Variants in COL27A1 observed in about 807,000 individuals in gnomAD.
COL27A1 encodes collagen type XXVII alpha 1 chain, also known as collagen alpha-1(XXVII) chain.
A neutral mutation model predicts 251.3 loss-of-function variants in COL27A1; 106 were observed. The observed-to-expected ratio is 0.42, with a 90% CI of 0.36 to 0.50. The LOEUF is 0.50. Ranked by LOEUF, COL27A1 falls within the 20% of genes least tolerant of loss-of-function variation. The pLI is 0.00. For synonymous variants in COL27A1, 1,000 were observed against 986.3 expected, an observed-to-expected ratio of 1.01 and a Z score of -0.26; for missense variants, 2,325 against 2,522.8, an observed-to-expected ratio of 0.92 and a Z score of 1.68.
At chr9:114,200,838 C>T (rs1829516712) in intron 7 of COL27A1, among the ~76,000 whole-genome samples, 1 of 152,190 alleles carries the variant, frequency 6.6e-6, no homozygotes, top group Non-Finnish European at 1.5e-5. Flanking sequence ...TAGCGAAGTT[C>T]AGCAGAGATT....
At chr9:114,293,183 C>T (rs1393485284) in intron 49 of COL27A1, among the ~76,000 whole-genome samples, 1 of 152,136 alleles carries the variant, frequency 6.6e-6, no homozygotes, top group Non-Finnish European at 1.5e-5. Flanking sequence ...AAGACAGACA[C>T]TATTTTGAGC....
chr9:114,207,310 C>CG (rs1221657195), intron 10 of COL27A1, among the ~76,000 whole-genome samples: 2 of 152,004 alleles, frequency 1.3e-5, no homozygotes, highest in Non-Finnish European at 2.9e-5. Context: ...GGAGTGGGGG[C>CG]GGGGAGGTGC....
chr9:114,283,851 C>G (rs1478161618), intron 40 of COL27A1, 89 bp downstream of exon 40: 3 of 1,349,370 alleles, frequency 2.2e-6, no homozygotes, highest in Non-Finnish European at 3.2e-6. Flanking sequence ...CCACCACCTC[C>G]CAGCTGAAGG....
At chr9:114,276,188 C>T (rs2135669725) in intron 37 of COL27A1, among the ~76,000 whole-genome samples, 1 of 152,372 alleles carries the variant, frequency 6.6e-6, no homozygotes, top group South Asian at 2.1e-4. Context: ...ATAGACATCA[C>T]CTGCTCCAAA....
At chr9:114,210,423 G>A (rs1830266309) in intron 11 of COL27A1, among the ~76,000 whole-genome samples, 1 of 152,198 alleles carries the variant, frequency 6.6e-6, no homozygotes, top group South Asian at 2.1e-4. Context: ...AGCAAGAGCA[G>A]GTGGCAGGAG....
In COL27A1 at chr9:114,168,420, A is replaced by C. The variant is rs1007867062; in HGVS notation, c.865A>C (p.Arg289=). ...GTCACTGCCAGCAGGCAGGGGACCCAGGGGGACTGTGGCACCCGCCACGCC... is the reference window on the plus strand; with the variant it reads ...GTCACTGCCAGCAGGCAGGGGACCCCGGGGGACTGTGGCACCCGCCACGCC... The part of the protein sequence containing the change: ...LGSLPAGRGP[R]GTVAPATPTK... The change falls in exon 3 of 61, where the codon AGG becomes CGG. Residue 289 remains arginine (R), a synonymous_variant. Coordinates refer to ENST00000356083, the MANE Select transcript of COL27A1 (RefSeq NM_032888.4). The C allele has an allele frequency of 1.2e-6, 2 of 1,610,994 alleles. No homozygotes were observed. Among genetic ancestry groups the C allele is most frequent in the Non-Finnish European group, 8.5e-7 (1 of 1,179,682 alleles).
At chr9:114,173,652 C>G (rs972990032) in intron 3 of COL27A1, among the ~76,000 whole-genome samples, 1 of 151,614 alleles carries the variant, frequency 6.6e-6, no homozygotes, top group Non-Finnish European at 1.5e-5. Context: ...AATGGGGATA[C>G]GGTGCCACCT....
At chr9:114,252,718 G>A (rs1833626574) in intron 26 of COL27A1, 72 bp downstream of exon 26, 1 of 1,478,788 alleles carries the variant, frequency 6.8e-7, no homozygotes, top group African/African-American at 1.4e-5. Flanking sequence ...TCTCCTCCAT[G>A]AACCGCTTAC....
chr9:114,240,320 T>A (rs745511691), intron 20 of COL27A1, 47 bp downstream of exon 20: 1 of 1,582,470 alleles, frequency 6.3e-7, no homozygotes, highest in East Asian at 2.2e-5. Context: ...CAGACAGCTC[T>A]GCAGAAACCA....
At chr9:114,236,807 G>T (rs1718271764) in intron 17 of COL27A1, among the ~76,000 whole-genome samples, 174 bp from the exon 18 acceptor site, 1 of 152,188 alleles carries the variant, frequency 6.6e-6, no homozygotes, top group African/African-American at 2.4e-5. Context: ...GCCTATAGGG[G>T]TGTCAGGCAG....
chr9:114,274,224 T>A (rs1835336105), intron 36 of COL27A1: 1 of 127,664 alleles, frequency 7.8e-6, no homozygotes, highest in African/African-American at 3.1e-5. Context: ...CAGAATGAGA[T>A]CCGTCTAAAA....
At chr9:114,180,130 G>A (rs989917175) in intron 4 of COL27A1, among the ~76,000 whole-genome samples, 1 of 151,494 alleles carries the variant, frequency 6.6e-6, no homozygotes, top group African/African-American at 2.4e-5. Flanking sequence ...GTGAGCCACT[G>A]CGCCTAGCCC....
chr9:114,162,487 CTGTGTTTG>C (rs1174114416), intron 1 of COL27A1, among the ~76,000 whole-genome samples: 1 of 152,136 alleles, frequency 6.6e-6, no homozygotes, highest in African/African-American at 2.4e-5. Flanking sequence ...AGAAGTGAGG[CTGTGTTTG>C]TCTATATAAG....
In COL27A1 at chr9:114,192,991, G is replaced by T. The variant is rs573163063; in HGVS notation, c.2017-1413G>T. Among the ~76,000 whole-genome samples, 244 of 152,216 alleles carry T rather than the reference G, an allele frequency of 1.6e-3. 3 individuals carry two copies. Among genetic ancestry groups the T allele is most frequent in the Non-Finnish European group, 2.1e-3 (145 of 68,026 alleles). On this transcript the variant is annotated intron_variant, in intron 5 of 60. Transcript: ENST00000356083. Reference sequence around the variant, plus strand: ...GGCTCCTTGCCTGGAAACCTGGGAAGCTGGCGTGTGTTTGTGTGTGTGTGC... The same window carrying T: ...GGCTCCTTGCCTGGAAACCTGGGAATCTGGCGTGTGTTTGTGTGTGTGTGC...
At chr9:114,195,152 G>T (rs965984940) in intron 6 of COL27A1, among the ~76,000 whole-genome samples, 1 of 152,100 alleles carries the variant, frequency 6.6e-6, no homozygotes, top group African/African-American at 2.4e-5. Context: ...CTTCCTTCTG[G>T]ACACAGCCCC....
At chr9:114,209,133 G>A (rs1453758828) in intron 10 of COL27A1, among the ~76,000 whole-genome samples, 1 of 152,296 alleles carries the variant, frequency 6.6e-6, no homozygotes, top group African/African-American at 2.4e-5. Flanking sequence ...AATCTGGGGG[G>A]TCCTTGTGAG....
intron 1 of COL27A1, 125 bp downstream of exon 1, chr9:114,156,137 C>G: frequency 7.9e-7 from 1 of 1,258,178 alleles, no homozygotes; most frequent in Non-Finnish European, 1.0e-6. Context: ...TTCCTGCGCC[C>G]CCGCGAGGCG....
intron 27 of COL27A1, among the ~76,000 whole-genome samples, chr9:114,254,573 C>A (rs190762327): frequency 2.6e-5 from 4 of 152,124 alleles, no homozygotes; most frequent in Admixed American, 2.6e-4. Context: ...AGGCACAGAT[C>A]CGGAGGTAGG....
At position 114,183,094 on chromosome 9, in the gene COL27A1, T is replaced by A; in HGVS notation, c.2016+19T>A. 6.2e-7 allele frequency: 1 copy of A among 1,610,650 alleles called. No individual in the cohort carries two copies. ...AGCCAAAGTGAGTATTTGCTGGAGA[T>A]GTGGCCATGGAGTGGGTGCTGGGGT... On this transcript the variant is annotated intron_variant, in intron 5 of 60. Coordinates refer to ENST00000356083, the MANE Select transcript of COL27A1 (RefSeq NM_032888.4).
Sources: allele counts gnomAD v4.1 joint callset (sites outside exome capture counted in the v4.1 genomes callset), GRCh38; gene constraint gnomAD v4.1.1; transcripts MANE v1.5; gene names NCBI Gene and HGNC (gene_info 2026-07-23, HGNC 2026-07-21).